Variants in MARCHF1 observed in about 807,000 individuals in gnomAD.
The protein encoded by MARCHF1 is E3 ubiquitin-protein ligase MARCHF1.
A neutral mutation model predicts 54.2 loss-of-function variants in MARCHF1; 40 were observed. That is an observed-to-expected ratio of 0.74 (90% CI 0.57 to 0.96). The LOEUF (loss-of-function observed/expected upper bound fraction) is 0.96. Among genes scored for constraint, MARCHF1 ranks in the 40% least tolerant of loss-of-function variants. MARCHF1 has a pLI of 0.00. For synonymous variants in MARCHF1, 236 were observed against 236.3 expected (o/e 1.00, Z 0.01); for missense variants, 586 against 656.5 (o/e 0.89, Z 1.17).
intron 4 of MARCHF1, among the ~76,000 whole-genome samples, chr4:163,834,244 T>C (rs1749112821): frequency 6.6e-6 from 1 of 150,708 alleles, no homozygotes; most frequent in Non-Finnish European, 1.5e-5. Context: ...TTTAGGAGAC[T>C]AGCAGCAGGA....
chr4:163,682,281 G>A (rs147976058), intron 5 of MARCHF1, among the ~76,000 whole-genome samples: 171 of 152,326 alleles, frequency 1.1e-3, no homozygotes, highest in Non-Finnish European at 1.8e-3. Flanking sequence ...TGGAAAATTT[G>A]CAGCCTGACA....
intron 1 of MARCHF1, among the ~76,000 whole-genome samples, chr4:164,339,560 A>C (rs1409022499): frequency 1.3e-5 from 2 of 152,188 alleles, no homozygotes; most frequent in African/African-American, 2.4e-5. Context: ...CTTATGAGAT[A>C]CAGCAAAAGC....
At chr4:163,809,205 A>G (rs909015554) in intron 4 of MARCHF1, among the ~76,000 whole-genome samples, 13 of 152,184 alleles carry the variant, frequency 8.5e-5, no homozygotes, top group Admixed American at 5.2e-4. Context: ...TTCCCTGGGA[A>G]GTTTTAAACA....
In MARCHF1 at chr4:164,341,281, A is replaced by AC. The variant is rs368906857; in HGVS notation, c.-323+42588_-323+42589insG. ...CCAGCTTACATCAAAAGCAAAAACA[A>AC]AAAAAAAAACCCCAGCATACTCAAG... On this transcript the variant is annotated intron_variant, in intron 1 of 9. Coordinates refer to ENST00000514618, the MANE Select transcript of MARCHF1 (RefSeq NM_001394959.1). Among the ~76,000 whole-genome samples, 122 of 119,856 alleles carry AC rather than the reference A, an allele frequency of 1.0e-3. 1 individual carries two copies. Among genetic ancestry groups the AC allele is most frequent in the Middle Eastern group, 4.0e-3 (1 of 250 alleles). The allele number at this position is 119,856 out of a possible 152,430, so 78.6% of individuals were successfully genotyped here.
chr4:163,657,915 G>A (rs992436356), intron 5 of MARCHF1, among the ~76,000 whole-genome samples: 5 of 151,992 alleles, frequency 3.3e-5, no homozygotes, highest in African/African-American at 9.7e-5. Context: ...ACTAACCCAA[G>A]ATGGATTAAA....
At chr4:164,189,382 T>C (rs2018210) in intron 1 of MARCHF1, 351,623 of 644,514 alleles carry the variant, frequency 0.55, 97,899 homozygotes, top group South Asian at 0.59. Flanking sequence ...GGATCTGTTC[T>C]GGTCTACTAT....
chr4:163,598,630 GAT>G (rs1331407889), intron 7 of MARCHF1, among the ~76,000 whole-genome samples: 3 of 152,214 alleles, frequency 2.0e-5, no homozygotes, highest in Admixed American at 2.0e-4. Context: ...GTACAGTAAT[GAT>G]ATGTCTAAAA....
At chr4:163,939,766 G>T (rs534294886) in intron 3 of MARCHF1, among the ~76,000 whole-genome samples, 1 of 152,210 alleles carries the variant, frequency 6.6e-6, no homozygotes, top group Non-Finnish European at 1.5e-5. Flanking sequence ...TTTGTGGTTG[G>T]GGTTTTAATT....
intron 7 of MARCHF1, among the ~76,000 whole-genome samples, chr4:163,600,940 A>G (rs1253308644): frequency 1.3e-5 from 2 of 152,300 alleles, no homozygotes; most frequent in African/African-American, 2.4e-5. Context: ...TGAATGAAGG[A>G]GAACTAACAC....
intron 8 of MARCHF1, among the ~76,000 whole-genome samples, chr4:163,548,693 A>G (rs1298082850): frequency 1.3e-5 from 2 of 152,210 alleles, no homozygotes; most frequent in Non-Finnish European, 2.9e-5. Flanking sequence ...CCTAACGACT[A>G]CATTACTGCA....
intron 2 of MARCHF1, among the ~76,000 whole-genome samples, chr4:164,072,759 G>C (rs1349489146): frequency 6.7e-6 from 1 of 148,974 alleles, no homozygotes; most frequent in Non-Finnish European, 1.5e-5. Context: ...GATTTCATAG[G>C]AAAACACTGA....
chr4:163,556,109 C>T lies in MARCHF1; in HGVS notation c.1192-10366G>A, dbSNP rs563491117. ...TAGATGACATTATTAGATTTTTTTT[C>T]GTTCAGGAGCTAATTATTAAAGCAT... On this transcript the variant is annotated intron_variant, in intron 8 of 9. Transcript: ENST00000514618. 9.1e-5 allele frequency: 32 copies of T among 350,002 alleles called. 1 individual carries two copies. Among genetic ancestry groups the T allele is most frequent in the South Asian group, 4.2e-4 (20 of 47,994 alleles). The allele number at this position is 350,002 out of a possible 1,614,324, so 21.7% of individuals were successfully genotyped here.
At chr4:164,275,930 C>T (rs1393382726) in intron 1 of MARCHF1, among the ~76,000 whole-genome samples, 3 of 152,148 alleles carry the variant, frequency 2.0e-5, no homozygotes, top group Non-Finnish European at 4.4e-5. Context: ...GTCAAGTTAT[C>T]CATTACACTA....
chr4:164,175,080 G>A (rs1165631124), intron 1 of MARCHF1, among the ~76,000 whole-genome samples: 2 of 152,052 alleles, frequency 1.3e-5, no homozygotes, highest in Admixed American at 1.3e-4. Flanking sequence ...TACTATCATT[G>A]TCACCCTACA....
intron 1 of MARCHF1, among the ~76,000 whole-genome samples, chr4:164,259,538 G>C (rs753111490): frequency 9.1e-5 from 8 of 88,166 alleles, no homozygotes; most frequent in Non-Finnish European, 1.7e-4. Flanking sequence ...AAGTGGGACC[G>C]TGTCTCAAAA....
At chr4:164,380,937 C>G (rs754190653) in intron 1 of MARCHF1, among the ~76,000 whole-genome samples, 10 of 152,180 alleles carry the variant, frequency 6.6e-5, no homozygotes, top group Admixed American at 5.9e-4. Context: ...GTTTAAGACA[C>G]AATTTTGCCT....
At chr4:163,590,964 A>G (rs572681378) in intron 7 of MARCHF1, among the ~76,000 whole-genome samples, 1 of 151,962 alleles carries the variant, frequency 6.6e-6, no homozygotes, top group South Asian at 2.1e-4. Flanking sequence ...TTTCAAGTTC[A>G]TCATCAGTAA....
At chr4:164,360,044 G>C (rs1476825865) in intron 1 of MARCHF1, among the ~76,000 whole-genome samples, 1 of 151,910 alleles carries the variant, frequency 6.6e-6, no homozygotes, top group Non-Finnish European at 1.5e-5. Context: ...ATCAGTATGC[G>C]GGCAGGTATT....
intron 1 of MARCHF1, among the ~76,000 whole-genome samples, chr4:164,114,801 C>CAA (rs34571086): frequency 8.0e-5 from 10 of 125,456 alleles, no homozygotes; most frequent in Non-Finnish European, 1.5e-4. Context: ...AGTGAATTAC[C>CAA]AAAAAAAAAA....
Sources: gnomAD v4.1 joint callset for allele counts (sites outside exome capture counted in the v4.1 genomes callset) on GRCh38, gnomAD v4.1.1 for gene constraint, MANE v1.5 for transcripts, NCBI Gene and HGNC (gene_info 2026-07-23, HGNC 2026-07-21) for gene names.